The following FBLN5 variants were observed in gnomAD, a reference collection of about 807,000 sequenced individuals.
FBLN5 encodes the protein fibulin-5.
FBLN5 carries 24 observed loss-of-function variants against 61.6 expected under a neutral mutation model. That is an observed-to-expected ratio of 0.39 (90% confidence interval 0.28 to 0.55). FBLN5 has a LOEUF of 0.55. FBLN5 is among the 20% of genes least tolerant of loss of function. The pLI, the probability that FBLN5 is intolerant of heterozygous loss-of-function variation, is 0.65. For missense variants in FBLN5, 470 were observed against 594.1 expected (o/e 0.79, Z 2.17); for synonymous variants, 213 against 219.8 (o/e 0.97, Z 0.27).
intron 1 of FBLN5, among the ~76,000 whole-genome samples, chr14:91,945,737 C>CA (rs1295004975): frequency 1.3e-5 from 2 of 152,048 alleles, no homozygotes; most frequent in Admixed American, 6.5e-5. Flanking sequence ...GTCCCCAATC[C>CA]AAAAAATAAG....
intron 9 of FBLN5, among the ~76,000 whole-genome samples, chr14:91,880,282 A>C (rs750026089): frequency 1.3e-5 from 2 of 152,188 alleles, no homozygotes; most frequent in Non-Finnish European, 2.9e-5. Flanking sequence ...GAAAGGCGGA[A>C]TCTTGGGCCC....
chr14:91,899,988 C>A (rs1890388497), intron 4 of FBLN5, among the ~76,000 whole-genome samples: 1 of 152,236 alleles, frequency 6.6e-6, no homozygotes, highest in Non-Finnish European at 1.5e-5. Context: ...ACAGCCCACA[C>A]ATCTGCTGAC....
chr14:91,899,797 C>T (rs988867838), intron 4 of FBLN5, among the ~76,000 whole-genome samples: 2 of 152,216 alleles, frequency 1.3e-5, no homozygotes, highest in Non-Finnish European at 2.9e-5. Flanking sequence ...AGGGATGTCC[C>T]TCAGGCTGGT....
chr14:91,894,841 C>CCTCCA, intron 5 of FBLN5, 109 bp downstream of exon 5: 1 of 563,084 alleles, frequency 1.8e-6, no homozygotes, highest in Non-Finnish European at 3.1e-6. Context: ...CCCTCCCTAG[C>CCTCCA]AAAGAAAAGC....
chr14:91,893,946 T>C (rs552930659), intron 5 of FBLN5, among the ~76,000 whole-genome samples: 1 of 152,258 alleles, frequency 6.6e-6, no homozygotes, highest in Non-Finnish European at 1.5e-5. Flanking sequence ...TTTCTGTGAC[T>C]AAGCGAAAGT....
At chr14:91,870,793 C>T (rs1216092646) in intron 10 of FBLN5, among the ~76,000 whole-genome samples, 1 of 152,234 alleles carries the variant, frequency 6.6e-6, no homozygotes, top group Non-Finnish European at 1.5e-5. Flanking sequence ...CTTTTCACCA[C>T]TGAGTCCCCC....
At chr14:91,895,113 A>G in intron 4 of FBLN5, 41 bp from the exon 5 acceptor site, 1 of 1,612,402 alleles carries the variant, frequency 6.2e-7, no homozygotes, top group Non-Finnish European at 8.5e-7. Flanking sequence ...ACTCACATCC[A>G]TCTAGAGCCC....
chr14:91,891,867 A>T (rs1246961910), intron 5 of FBLN5, among the ~76,000 whole-genome samples: 1 of 152,214 alleles, frequency 6.6e-6, no homozygotes, highest in African/African-American at 2.4e-5. Flanking sequence ...TGAACAATGA[A>T]TATGTCCAGC....
intron 9 of FBLN5, 104 bp downstream of exon 9, chr14:91,881,188 C>A: frequency 1.6e-6 from 2 of 1,286,870 alleles, no homozygotes; most frequent in Non-Finnish European, 2.2e-6. Context: ...TAGGCCAGGT[C>A]CCCTCACTTC....
chr14:91,870,483 A>C, intron 10 of FBLN5, 98 bp from the exon 11 acceptor site: 2 of 1,213,586 alleles, frequency 1.6e-6, no homozygotes, highest in South Asian at 1.2e-5. Flanking sequence ...TCAAACTGGC[A>C]CCCCCTCGGT....
At chr14:91,920,216 T>C (rs1164111690) in intron 4 of FBLN5, among the ~76,000 whole-genome samples, 1 of 152,208 alleles carries the variant, frequency 6.6e-6, no homozygotes, top group East Asian at 1.9e-4. Context: ...CTTGTCTGCC[T>C]GCTAATGCAC....
chr14:91,872,268 C>T (rs1888972720), intron 10 of FBLN5, among the ~76,000 whole-genome samples: 1 of 152,190 alleles, frequency 6.6e-6, no homozygotes, highest in Non-Finnish European at 1.5e-5. Context: ...TTTCACTGCA[C>T]AGCAGGTATC....
At chr14:91,946,040 T>C (rs1028337563) in intron 1 of FBLN5, among the ~76,000 whole-genome samples, 10 of 152,162 alleles carry the variant, frequency 6.6e-5, no homozygotes, top group African/African-American at 2.4e-4. Context: ...TGCAACACAG[T>C]GGACTTCAAG....
At chr14:91,934,161 T>C (rs1003065746) in intron 4 of FBLN5, among the ~76,000 whole-genome samples, 29 of 152,226 alleles carry the variant, frequency 1.9e-4, no homozygotes, top group African/African-American at 7.0e-4. Flanking sequence ...ATTGTGCCAC[T>C]GCACTACAGC....
intron 2 of FBLN5, 104 bp from the exon 3 acceptor site, chr14:91,940,720 C>G: frequency 1.1e-6 from 1 of 881,478 alleles, no homozygotes; most frequent in East Asian, 2.6e-5. Context: ...AAAGAAAGGC[C>G]TCCAAAATAC....
chr14:91,877,488 C>T lies in FBLN5; in HGVS notation c.1184G>A (p.Arg395Gln), dbSNP rs777333890. The T allele has an allele frequency of 3.1e-6, 5 of 1,612,792 alleles. No homozygotes were observed. Among genetic ancestry groups the T allele is most frequent in the African/African-American group, 1.3e-5 (1 of 74,874 alleles). ...TCCCCACTCCCCACTCCCTCTTACC[C>T]GCATGTAAAATTCTCTGCCCTCATT... ...SGNEGREFYM[R>Q]QTGPISATLV... Residue 395 changes from arginine (R) to glutamine (Q), a missense_variant and splice_region_variant, in exon 10 of 11, where the codon CGG (arginine) becomes CAG (glutamine). Transcript: ENST00000342058.
chr14:91,937,879 CTCTT>C (rs1298605438), intron 3 of FBLN5, among the ~76,000 whole-genome samples: 1 of 152,196 alleles, frequency 6.6e-6, no homozygotes, highest in African/African-American at 2.4e-5. Flanking sequence ...TTTGCACATA[CTCTT>C]TCTTTAAGTA....
intron 4 of FBLN5, among the ~76,000 whole-genome samples, chr14:91,895,861 T>C (rs1021317776): frequency 3.3e-5 from 5 of 150,172 alleles, no homozygotes; most frequent in African/African-American, 1.2e-4. Flanking sequence ...AGTTGCTTAA[T>C]GGTATTCACC....
At chr14:91,915,338 A>T (rs1891142676) in intron 4 of FBLN5, among the ~76,000 whole-genome samples, 1 of 152,190 alleles carries the variant, frequency 6.6e-6, no homozygotes, top group Admixed American at 6.6e-5. Context: ...GTAACTATGT[A>T]AAACTGACTT....
Sources: allele counts gnomAD v4.1 joint callset (sites outside exome capture counted in the v4.1 genomes callset), GRCh38; gene constraint gnomAD v4.1.1; transcripts MANE v1.5; gene names NCBI Gene and HGNC (gene_info 2026-07-23, HGNC 2026-07-21).